IMPG1: variants seen among roughly 807,000 people sequenced by gnomAD.
IMPG1 encodes the protein interphotoreceptor matrix proteoglycan of 150 kDa.
In IMPG1, 85 loss-of-function variants were observed where a neutral mutation model predicts 92.0. The ratio of observed to expected loss-of-function variants is 0.92; its 90% CI spans 0.78 to 1.11. IMPG1 has a LOEUF of 1.11. Among genes scored for constraint, IMPG1 ranks in the 50% least tolerant of loss-of-function variants. The probability of loss-of-function intolerance (pLI) is 0.00; values close to 1 mark genes in which losing one functional copy is unlikely to be tolerated. For synonymous variants in IMPG1, 367 were observed against 334.1 expected, an observed-to-expected ratio of 1.10 and a Z score of -1.08; for missense variants, 1,022 against 956.0, an observed-to-expected ratio of 1.07 and a Z score of -0.91.
intron 12 of IMPG1, among the ~76,000 whole-genome samples, chr6:75,985,977 G>A (rs1169447409): frequency 6.6e-6 from 1 of 152,154 alleles, no homozygotes; most frequent in African/African-American, 2.4e-5. Flanking sequence ...GGATGAAAGA[G>A]CCTCACAGGC....
chr6:75,956,369 CTACTT>C (rs1782120271), intron 12 of IMPG1, among the ~76,000 whole-genome samples: 1 of 152,172 alleles, frequency 6.6e-6, no homozygotes, highest in East Asian at 1.9e-4. Context: ...TCTAGATTTT[CTACTT>C]TACTTGCGTA....
chr6:75,929,348 C>T (rs1781623154), intron 15 of IMPG1, among the ~76,000 whole-genome samples: 1 of 152,012 alleles, frequency 6.6e-6, no homozygotes, highest in Non-Finnish European at 1.5e-5. Context: ...CCAGTATCTT[C>T]TGTATTTTGC....
rs372559261 is a variant in IMPG1 at position 76,047,398 on chromosome 6, T to C, written c.68-5272A>G. On this transcript the variant is annotated intron_variant, in intron 1 of 16. Coordinates refer to ENST00000369950, the MANE Select transcript of IMPG1 (RefSeq NM_001563.4). ...GTTCCTCCAGGGTGGTTCATATCTCTATGGCATTCACTGATTCACCTGTAT... is the reference window on the plus strand; with the variant it reads ...GTTCCTCCAGGGTGGTTCATATCTCCATGGCATTCACTGATTCACCTGTAT... Among the ~76,000 whole-genome samples the C allele has an allele frequency of 1.2e-4, 19 of 152,354 alleles. 1 individual carries two copies. The South Asian group carries it at 3.7e-3, about 30-fold the overall frequency.
At chr6:76,069,192 C>A (rs1189157392) in intron 1 of IMPG1, among the ~76,000 whole-genome samples, 1 of 152,028 alleles carries the variant, frequency 6.6e-6, no homozygotes, top group Non-Finnish European at 1.5e-5. Flanking sequence ...TAAACTGGAC[C>A]AATATCCCTC....
chr6:76,011,119 G>T, intron 8 of IMPG1, 47 bp downstream of exon 8: 2 of 1,025,190 alleles, frequency 2.0e-6, no homozygotes, highest in East Asian at 2.4e-5. Flanking sequence ...AAAAGGATAG[G>T]AAGAAAGTAA....
intron 14 of IMPG1, among the ~76,000 whole-genome samples, chr6:75,936,316 A>G (rs1422280303): frequency 1.3e-5 from 2 of 152,254 alleles, no homozygotes; most frequent in African/African-American, 4.8e-5. Flanking sequence ...ACCTCCAGAA[A>G]TGCTGATGCA....
At chr6:75,935,185 G>A (rs1040595132) in intron 14 of IMPG1, 1 of 374,212 alleles carries the variant, frequency 2.7e-6, no homozygotes, top group African/African-American at 2.1e-5. Context: ...AAACCACTGT[G>A]CCTTGCGCGT....
At chr6:75,936,214 A>C (rs1156494321) in intron 14 of IMPG1, among the ~76,000 whole-genome samples, 1 of 152,220 alleles carries the variant, frequency 6.6e-6, no homozygotes, top group African/African-American at 2.4e-5. Flanking sequence ...GGAGTGTTTA[A>C]ATCAAGTGAT....
chr6:75,973,871 GCTGATGGAT>G (rs1316351058), intron 12 of IMPG1, among the ~76,000 whole-genome samples: 1 of 152,222 alleles, frequency 6.6e-6, no homozygotes, highest in Non-Finnish European at 1.5e-5. Context: ...ACTCTCATTA[GCTGATGGAT>G]CTGCATTTGT....
At chr6:76,038,908 A>T (rs1456992154) in intron 2 of IMPG1, among the ~76,000 whole-genome samples, 1 of 152,246 alleles carries the variant, frequency 6.6e-6, no homozygotes, top group Non-Finnish European at 1.5e-5. Context: ...GCAGACAGTT[A>T]TTCGCAATTA....
intron 1 of IMPG1, among the ~76,000 whole-genome samples, chr6:76,065,329 C>A (rs1283486788): frequency 6.6e-6 from 1 of 151,582 alleles, no homozygotes; most frequent in African/African-American, 2.4e-5. Context: ...AAAACAAATA[C>A]AAAGAAATCA....
intron 12 of IMPG1, among the ~76,000 whole-genome samples, chr6:75,979,229 C>T (rs1158682871): frequency 6.6e-6 from 1 of 152,084 alleles, no homozygotes; most frequent in Non-Finnish European, 1.5e-5. Context: ...GATTAATAAA[C>T]TCTTAATATA....
intron 12 of IMPG1, among the ~76,000 whole-genome samples, chr6:75,960,041 G>A (rs1001267538): frequency 1.7e-4 from 26 of 152,186 alleles, no homozygotes; most frequent in African/African-American, 2.4e-5. Context: ...TGAAGACCAT[G>A]GGAAAAGCGT....
At chr6:76,022,086 A>C in intron 6 of IMPG1, 30 bp downstream of exon 6, 1 of 1,223,796 alleles carries the variant, frequency 8.2e-7, no homozygotes, top group East Asian at 2.5e-5. Context: ...AGGCACATGA[A>C]GAGCTAGATC....
At chr6:76,026,027 G>T (rs1049033683) in intron 4 of IMPG1, among the ~76,000 whole-genome samples, 4 of 152,198 alleles carry the variant, frequency 2.6e-5, no homozygotes, top group Non-Finnish European at 5.9e-5. Flanking sequence ...TGTGCAGTTT[G>T]CAGTGGGGAG....
chr6:76,069,819 T>C (rs987852341), intron 1 of IMPG1, among the ~76,000 whole-genome samples: 2 of 152,074 alleles, frequency 1.3e-5, no homozygotes, highest in Non-Finnish European at 2.9e-5. Flanking sequence ...AATGAAATCA[T>C]GTCTTTTGCA....
At chr6:76,051,782 C>T (rs1784047743) in intron 1 of IMPG1, among the ~76,000 whole-genome samples, 1 of 152,120 alleles carries the variant, frequency 6.6e-6, no homozygotes, top group African/African-American at 2.4e-5. Context: ...AATCAGCAGT[C>T]TCTTATCTCA....
At chr6:75,999,998 C>T (rs1429539856) in intron 12 of IMPG1, among the ~76,000 whole-genome samples, 2 of 152,336 alleles carry the variant, frequency 1.3e-5, no homozygotes, top group South Asian at 2.1e-4. Flanking sequence ...TGGTTTTACA[C>T]AGCAGGAAGG....
At chr6:76,054,976 G>T (rs181492552) in intron 1 of IMPG1, among the ~76,000 whole-genome samples, 35 of 152,106 alleles carry the variant, frequency 2.3e-4, no homozygotes, top group Non-Finnish European at 3.8e-4. Context: ...CAGGATAATA[G>T]TAGGTACATT....
Sources: allele counts gnomAD v4.1 joint callset (sites outside exome capture counted in the v4.1 genomes callset), GRCh38; gene constraint gnomAD v4.1.1; transcripts MANE v1.5; gene names NCBI Gene and HGNC (gene_info 2026-07-23, HGNC 2026-07-21).